SLC19A3: variants seen among roughly 807,000 people sequenced by gnomAD.
The protein encoded by SLC19A3 is thiamine transporter 2.
SLC19A3 carries 31 observed loss-of-function variants against 40.2 expected under a neutral mutation model. That is an observed-to-expected ratio of 0.77 (90% CI 0.58 to 1.04). The LOEUF is 1.04. Ranked by LOEUF, SLC19A3 falls within the 50% of genes least tolerant of loss-of-function variation. SLC19A3 has a pLI of 0.00. For missense variants in SLC19A3, 592 were observed against 596.7 expected (o/e 0.99, Z 0.08); for synonymous variants, 212 against 227.5 (o/e 0.93, Z 0.61).
Position 227,699,023 on chromosome 2 carries a change from T to C in SLC19A3, c.692A>G (p.Gln231Arg), listed in dbSNP as rs1489682124. 6.2e-7 allele frequency: 1 copy of C among 1,614,284 alleles called. No individual in the cohort carries two copies. The highest frequency in any genetic ancestry group is 8.5e-7 in the Non-Finnish European group (1 of 1,180,050). ...HEGEAPGCEE[Q>R]KPTSEILSTS... ...GCTGAGTATTTCTGATGTGGGTTTC[T>C]GCTCTTCACAGCCTGGTGCTTCACC... is the stretch of plus-strand genomic sequence containing the variant. Residue 231 changes from glutamine (Q) to arginine (R), a missense_variant, in exon 3 of 6, where the codon CAG becomes CGG. Coordinates refer to ENST00000644224, the MANE Select transcript of SLC19A3 (RefSeq NM_025243.4).
intron 2 of SLC19A3, 90 bp downstream of exon 2, chr2:227,702,079 T>A: frequency 9.7e-7 from 1 of 1,034,006 alleles, no homozygotes; most frequent in South Asian, 1.3e-5. Context: ...TGTGTTCATC[T>A]TATATCAAGT....
rs756864477 is a variant in SLC19A3 at position 227,699,018 on chromosome 2, G to C, written c.697C>G (p.Pro233Ala). The part of the protein sequence containing the change: ...GEAPGCEEQK[P>A]TSEILSTSGK... ...GAAGTGCTGAGTATTTCTGATGTGG[G>C]TTTCTGCTCTTCACAGCCTGGTGCT... is the stretch of plus-strand genomic sequence containing the variant. The change falls in exon 3 of 6, where the codon CCC (proline) becomes GCC (alanine). Residue 233 changes from proline to alanine, a missense_variant. By Grantham distance (27) the Pro-to-Ala change is conservative. Coordinates refer to ENST00000644224, the MANE Select transcript of SLC19A3 (RefSeq NM_025243.4). The C allele has an allele frequency of 6.2e-6, 10 of 1,614,084 alleles. No homozygotes were observed. In the Admixed American group the frequency reaches 1.3e-4, roughly 22 times the overall value.
intron 4 of SLC19A3, among the ~76,000 whole-genome samples, chr2:227,692,111 C>A (rs1306132925): frequency 6.6e-6 from 1 of 152,074 alleles, no homozygotes; most frequent in Non-Finnish European, 1.5e-5. Context: ...AGCCCAGGAC[C>A]CAATGGCTTC....
chr2:227,698,611 C>A lies in SLC19A3; in HGVS notation c.979+125G>T, dbSNP rs1396343722. ...ACCATGCCCGGCCGTGACTTTCATT[C>A]TTGACTGAAAAAAGTTATGCTTCCT... On this transcript the variant is annotated intron_variant, in intron 3 of 5. Transcript: ENST00000644224. 3.2e-6 allele frequency: 3 copies of A among 928,308 alleles called. No individual in the cohort carries two copies. The African/African-American group carries it at 4.9e-5, about 15-fold the overall frequency. 57.5% of individuals were successfully genotyped at this position (928,308 alleles called of 1,614,324 possible). A position where few individuals can be genotyped will look rare whatever the true frequency, so the allele number is the denominator to read the frequency against.
chr2:227,715,381 G>A (rs1240496188), intron 1 of SLC19A3, among the ~76,000 whole-genome samples: 1 of 152,102 alleles, frequency 6.6e-6, no homozygotes, highest in African/African-American at 2.4e-5. Flanking sequence ...GCAGAAACAA[G>A]TGATATTTTT....
In SLC19A3 at chr2:227,702,295, T is replaced by C. The variant is rs150295425; in HGVS notation, c.24A>G (p.Leu8=). Residue 8 remains leucine (L), a synonymous_variant, in exon 2 of 6, where the codon CTA becomes CTG. Transcript: ENST00000644224. ...CAGTGGGGTAAATCCAGGAACTGCT[T>C]AGTGAAGTTCTGTAACAATCCATGG... MDCYRTS[L]SSSWIYPTVI... 1.2e-6 allele frequency: 2 copies of C among 1,613,948 alleles called. No individual in the cohort carries two copies. The highest frequency in any genetic ancestry group is 1.7e-6 in the Non-Finnish European group (2 of 1,180,014).
intron 1 of SLC19A3, among the ~76,000 whole-genome samples, chr2:227,709,015 T>C (rs1696050004): frequency 6.6e-6 from 1 of 152,210 alleles, no homozygotes; most frequent in Non-Finnish European, 1.5e-5. Context: ...ATATTGGATC[T>C]AAGCTAATTT....
intron 4 of SLC19A3, among the ~76,000 whole-genome samples, chr2:227,689,476 G>C (rs1695140291): frequency 6.6e-6 from 1 of 152,128 alleles, no homozygotes; most frequent in Non-Finnish European, 1.5e-5. Context: ...TGCTGAAGGA[G>C]AAAAACTTTT....
chr2:227,708,020 C>G (rs982330312), intron 1 of SLC19A3, among the ~76,000 whole-genome samples: 11 of 152,176 alleles, frequency 7.2e-5, no homozygotes, highest in Non-Finnish European at 1.3e-4. Context: ...TGAGCCACCG[C>G]GCCCAGCCTG....
intron 4 of SLC19A3, 80 bp from the exon 5 acceptor site, chr2:227,688,387 A>G (rs1695100782): frequency 1.4e-6 from 2 of 1,396,462 alleles, no homozygotes; most frequent in African/African-American, 2.9e-5. Flanking sequence ...TATTGGCCAC[A>G]GGGGTATTTG....
intron 1 of SLC19A3, among the ~76,000 whole-genome samples, chr2:227,708,035 T>C (rs989684741): frequency 1.3e-5 from 2 of 152,200 alleles, no homozygotes; most frequent in Non-Finnish European, 1.5e-5. Flanking sequence ...AGCCTGAATC[T>C]GTATTTGGAG....
At chr2:227,688,983 T>C (rs1695123202) in intron 4 of SLC19A3, among the ~76,000 whole-genome samples, 1 of 152,002 alleles carries the variant, frequency 6.6e-6, no homozygotes, top group Non-Finnish European at 1.5e-5. Context: ...GCAATTGACA[T>C]ACTGAGAATG....
intron 1 of SLC19A3, among the ~76,000 whole-genome samples, chr2:227,717,354 C>T (rs74373324): frequency 2.0e-3 from 302 of 152,290 alleles, no homozygotes; most frequent in African/African-American, 6.6e-3. Context: ...ACTTGAAGCA[C>T]TCCGAAAGTC....
intron 3 of SLC19A3, among the ~76,000 whole-genome samples, chr2:227,696,424 C>G (rs574241759): frequency 6.6e-6 from 1 of 152,298 alleles, no homozygotes; most frequent in Admixed American, 6.5e-5. Flanking sequence ...GTACAACATG[C>G]AGGGATGGAA....
rs1695800757 is a variant in SLC19A3 at position 227,703,646 on chromosome 2, T to C, written c.-2-1326A>G. Among the ~76,000 whole-genome samples the C allele has an allele frequency of 6.6e-6, 1 of 152,196 alleles. No homozygotes were observed. The highest frequency in any genetic ancestry group is 2.1e-4 in the South Asian group (1 of 4,832). ...ACAGGGCTTTCTCTTCTTCCTGGAA[T>C]GCTGCTGGGTTTGCTGGTGCTTTCT... is the stretch of plus-strand genomic sequence containing the variant. On this transcript the variant is annotated intron_variant, in intron 1 of 5. Coordinates refer to ENST00000644224, the MANE Select transcript of SLC19A3 (RefSeq NM_025243.4). This position sits in a 1 kb window ranked among gnomAD's most constrained non-coding sequence, Gnocchi z 4.7.
At chr2:227,697,101 A>G (rs760830457) in intron 3 of SLC19A3, among the ~76,000 whole-genome samples, 1 of 152,190 alleles carries the variant, frequency 6.6e-6, no homozygotes, top group Non-Finnish European at 1.5e-5. Flanking sequence ...TAGATTTCAA[A>G]TTACTACATT....
rs1216323795 is a variant in SLC19A3, at chr2:227,717,928, C to T, written c.-3+15G>A. 1 of 985,334 alleles carries T rather than the reference C, an allele frequency of 1.0e-6. No homozygotes were observed. The highest frequency in any genetic ancestry group is 1.7e-5 in the African/African-American group (1 of 57,234). The allele number at this position is 985,334 out of a possible 1,614,324, so 61.0% of individuals were successfully genotyped here. A position where few individuals can be genotyped will look rare whatever the true frequency, so the allele number is the denominator to read the frequency against. Reference sequence around the variant, plus strand: ...GGTGCTTCTTCAATTAATTCGCCCCCCGAGATATTCTTACCTACAGAAGGG... The same window carrying T: ...GGTGCTTCTTCAATTAATTCGCCCCTCGAGATATTCTTACCTACAGAAGGG... On this transcript the variant is annotated intron_variant, in intron 1 of 5. Transcript: ENST00000644224.
intron 1 of SLC19A3, among the ~76,000 whole-genome samples, chr2:227,711,628 A>T (rs1442946064): frequency 5.9e-5 from 9 of 152,044 alleles, no homozygotes; most frequent in Admixed American, 5.9e-4. Flanking sequence ...CCAGAAGGAA[A>T]CAGATCTTCG....
At chr2:227,688,956 T>G (rs1695122030) in intron 4 of SLC19A3, among the ~76,000 whole-genome samples, 1 of 152,078 alleles carries the variant, frequency 6.6e-6, no homozygotes, top group Non-Finnish European at 1.5e-5. Context: ...CAAGCAGAAA[T>G]GCTGTGGTTG....
Sources: gnomAD v4.1 joint callset for allele counts (sites outside exome capture counted in the v4.1 genomes callset) on GRCh38, gnomAD v4.1.1 for gene constraint, Gnocchi (gnomAD v3.1) non-coding constraint, MANE v1.5 for transcripts, NCBI Gene and HGNC (gene_info 2026-07-23, HGNC 2026-07-21) for gene names.